SNTG1: variants seen among roughly 807,000 people sequenced by gnomAD.
The protein encoded by SNTG1 is gamma-1-syntrophin.
SNTG1 carries 39 observed loss-of-function variants against 74.7 expected under a neutral mutation model. That is an observed-to-expected ratio of 0.52 (90% CI 0.40 to 0.68). The LOEUF is 0.68. Among genes scored for constraint, SNTG1 ranks in the 30% least tolerant of loss-of-function variants. SNTG1 has a pLI of 0.00. For synonymous variants in SNTG1, 254 were observed against 217.1 expected (o/e 1.17, Z -1.49); for missense variants, 685 against 609.5 (o/e 1.12, Z -1.30).
chr8:50,485,469 T>C (rs1213249085), intron 8 of SNTG1, among the ~76,000 whole-genome samples: 9 of 152,344 alleles, frequency 5.9e-5, no homozygotes, highest in Middle Eastern at 3.4e-3. Flanking sequence ...CTAGAACTTC[T>C]TTTGAGAAGT....
At chr8:50,274,055 A>C (rs1397649066) in intron 2 of SNTG1, among the ~76,000 whole-genome samples, 1 of 152,096 alleles carries the variant, frequency 6.6e-6, no homozygotes, top group African/African-American at 2.4e-5. Flanking sequence ...ATATAAGAGC[A>C]CAACTGAATT....
At chr8:50,763,763 T>C (rs2095605808) in intron 18 of SNTG1, among the ~76,000 whole-genome samples, 1 of 149,400 alleles carries the variant, frequency 6.7e-6, no homozygotes, top group Non-Finnish European at 1.5e-5. Context: ...TTAAAACGTC[T>C]ATATTACCCC....
Position 50,113,176 on chromosome 8 carries a change from T to A in SNTG1, c.-102-59385T>A, listed in dbSNP as rs535742460. On this transcript the variant is annotated intron_variant, in intron 1 of 18. Transcript: ENST00000642720. ...CTTGATGGGGATGGCATTGAATCTA[T>A]AAATTACCTTGGGCAGTATGGCCAT... is the stretch of plus-strand genomic sequence containing the variant. Among the ~76,000 whole-genome samples the A allele has an allele frequency of 2.0e-4, 31 of 152,306 alleles. No individual in the cohort carries two copies. In the East Asian group the frequency reaches 6.0e-3, roughly 29 times the overall value.
At chr8:50,375,291 C>T (rs936173030) in intron 2 of SNTG1, among the ~76,000 whole-genome samples, 3 of 152,030 alleles carry the variant, frequency 2.0e-5, no homozygotes, top group African/African-American at 7.3e-5. Flanking sequence ...ACATTAGATT[C>T]TGGTGGATCT....
chr8:50,296,980 A>G (rs1488921284), intron 2 of SNTG1, among the ~76,000 whole-genome samples: 1 of 152,122 alleles, frequency 6.6e-6, no homozygotes, highest in Non-Finnish European at 1.5e-5. Context: ...TCAACTCTAG[A>G]TTTCTTAAAA....
intron 2 of SNTG1, chr8:50,381,862 G>C (rs2092493902): frequency 7.3e-6 from 1 of 137,058 alleles, no homozygotes. Context: ...ATGAAGGGGA[G>C]TTTATTAAGT....
At chr8:50,293,689 C>T (rs151218740) in intron 2 of SNTG1, among the ~76,000 whole-genome samples, 2 of 152,188 alleles carry the variant, frequency 1.3e-5, no homozygotes, top group Admixed American at 1.3e-4. Context: ...GGATTACAGG[C>T]GTGAGCCACT....
At chr8:50,663,420 C>T (rs1211669946) in intron 15 of SNTG1, among the ~76,000 whole-genome samples, 2 of 152,094 alleles carry the variant, frequency 1.3e-5, no homozygotes, top group Non-Finnish European at 2.9e-5. Flanking sequence ...GAGGGGAGTG[C>T]TCCTGGGACA....
chr8:49,963,035 G>A lies in SNTG1; in HGVS notation c.-103+50804G>A, dbSNP rs557506398. On this transcript the variant is annotated intron_variant, in intron 1 of 18. Coordinates refer to ENST00000642720, the MANE Select transcript of SNTG1 (RefSeq NM_018967.5). ...AGAGGCGGGAAGCGCAATCCAAGAA[G>A]TGACCGTCTCCTTGCAGTTTCATGA... 1.6e-4 allele frequency among the ~76,000 whole-genome samples: 25 copies of A among 152,336 alleles called. No individual in the cohort carries two copies. The South Asian group carries it at 5.0e-3, about 30-fold the overall frequency.
intron 2 of SNTG1, among the ~76,000 whole-genome samples, chr8:50,268,675 T>G (rs1027046078): frequency 2.6e-5 from 4 of 151,912 alleles, no homozygotes; most frequent in Admixed American, 2.6e-4. Flanking sequence ...TTTTAATTTT[T>G]AGGCAGAGGC....
chr8:50,643,157 T>G (rs1001869757), intron 13 of SNTG1, among the ~76,000 whole-genome samples: 2 of 152,228 alleles, frequency 1.3e-5, no homozygotes, highest in Admixed American at 6.5e-5. Context: ...AAAGAATGCA[T>G]TTTAGATAAC....
At chr8:50,629,161 A>G (rs1301488764) in intron 13 of SNTG1, among the ~76,000 whole-genome samples, 1 of 152,168 alleles carries the variant, frequency 6.6e-6, no homozygotes, top group Non-Finnish European at 1.5e-5. Flanking sequence ...CATGAGGACT[A>G]TACTTAACAA....
intron 15 of SNTG1, among the ~76,000 whole-genome samples, chr8:50,700,646 G>A (rs184583658): frequency 6.6e-6 from 1 of 152,128 alleles, no homozygotes; most frequent in East Asian, 1.9e-4. Flanking sequence ...TTAAGTCCTT[G>A]ATGGTACTAC....
At chr8:49,948,801 CTT>C (rs1256485846) in intron 1 of SNTG1, among the ~76,000 whole-genome samples, 3 of 152,174 alleles carry the variant, frequency 2.0e-5, no homozygotes, top group African/African-American at 7.2e-5. Context: ...GGCTGTCAGT[CTT>C]TTGCTGAGGC....
intron 2 of SNTG1, among the ~76,000 whole-genome samples, chr8:50,278,790 A>G (rs2088264896): frequency 6.6e-6 from 1 of 152,100 alleles, no homozygotes; most frequent in African/African-American, 2.4e-5. Flanking sequence ...ACATCTTTCA[A>G]TTAGCCACAG....
rs61697006 is a variant in SNTG1 at position 50,776,391 on chromosome 8, T to C, written c.1396-16280T>C. Among the ~76,000 whole-genome samples the C allele has an allele frequency of 6.1e-3, 902 of 147,494 alleles. 8 individuals carry two copies. Among genetic ancestry groups the C allele is most frequent in the African/African-American group, 0.021 (854 of 40,880 alleles). On this transcript the variant is annotated intron_variant, in intron 18 of 18. Transcript: ENST00000642720. ...TCTCTTTACCTATTTTATTATATTT[T>C]ACATTTTATAATATATAATATATTA...
rs1337625287 is a variant in SNTG1 at position 50,691,099 on chromosome 8, T to C, written c.1039-13501T>C. 4.6e-5 allele frequency among the ~76,000 whole-genome samples: 7 copies of C among 152,204 alleles called. No homozygotes were observed. In the East Asian group the frequency reaches 7.7e-4, roughly 17 times the overall value. ...TGCCTTTTTTTGTTTTCCATTTGCT[T>C]GGTAGATCTCCCTCCATCCCTTTAT... On this transcript the variant is annotated intron_variant, in intron 15 of 18. Transcript: ENST00000642720.
chr8:50,309,360 CAAAA>C (rs10535912), intron 2 of SNTG1, among the ~76,000 whole-genome samples: 15 of 149,408 alleles, frequency 1.0e-4, no homozygotes, highest in African/African-American at 3.2e-4. Flanking sequence ...TTTTTTAAGA[CAAAA>C]AAAAAAAAAT....
At chr8:50,765,551 G>T (rs1000462418) in intron 18 of SNTG1, among the ~76,000 whole-genome samples, 1 of 151,938 alleles carries the variant, frequency 6.6e-6, no homozygotes, top group African/African-American at 2.4e-5. Flanking sequence ...TCCAGGGTTT[G>T]TGATGATACT....
Sources: allele counts gnomAD v4.1 joint callset (sites outside exome capture counted in the v4.1 genomes callset), GRCh38; gene constraint gnomAD v4.1.1; transcripts MANE v1.5; gene names NCBI Gene and HGNC (gene_info 2026-07-23, HGNC 2026-07-21).